The following GYS2 variants were observed in gnomAD, a reference collection of about 807,000 sequenced individuals.
The protein encoded by GYS2 is glycogen [starch] synthase, liver.
A neutral mutation model predicts 85.6 loss-of-function variants in GYS2; 80 were observed. That is an observed-to-expected ratio of 0.93 (90% CI 0.78 to 1.13). GYS2 has a LOEUF of 1.13. GYS2 is among the 50% of genes most tolerant of loss of function. The pLI is 0.00. For synonymous variants in GYS2, 328 were observed against 300.7 expected (o/e 1.09, Z -0.94); for missense variants, 881 against 854.9 (o/e 1.03, Z -0.38).
chr12:21,599,538 G>A (rs948850468), intron 1 of GYS2, among the ~76,000 whole-genome samples: 9 of 152,144 alleles, frequency 5.9e-5, no homozygotes, highest in Admixed American at 2.6e-4. Flanking sequence ...TGAATGAAAA[G>A]GAAGTGAGTA....
chr12:21,554,141 G>A (rs1366672209), intron 11 of GYS2, among the ~76,000 whole-genome samples: 6 of 151,472 alleles, frequency 4.0e-5, no homozygotes, highest in South Asian at 4.2e-4. Context: ...GGAAGGAAGC[G>A]AGGAAGGAAG....
intron 4 of GYS2, among the ~76,000 whole-genome samples, chr12:21,573,104 G>A (rs1283816524): frequency 1.3e-5 from 2 of 152,160 alleles, no homozygotes; most frequent in East Asian, 1.9e-4. Context: ...TTATAGGGAA[G>A]GGCTCATCAG....
intron 4 of GYS2, among the ~76,000 whole-genome samples, chr12:21,572,333 G>T (rs183652346): frequency 3.1e-4 from 47 of 152,148 alleles, no homozygotes; most frequent in African/African-American, 9.9e-4. Flanking sequence ...TCTCATATTT[G>T]CCCTATTTTC....
At chr12:21,571,209 C>T (rs1944381137) in intron 4 of GYS2, among the ~76,000 whole-genome samples, 1 of 152,174 alleles carries the variant, frequency 6.6e-6, no homozygotes, top group Non-Finnish European at 1.5e-5. Flanking sequence ...GCCTTTCCCT[C>T]CTCCCATGGG....
In GYS2 at chr12:21,581,158, A is replaced by G. The variant is rs371826476; in HGVS notation, c.122-635T>C. Among the ~76,000 whole-genome samples the G allele has an allele frequency of 7.2e-5, 11 of 152,290 alleles. No homozygotes were observed. The East Asian group carries it at 1.9e-3, about 27-fold the overall frequency. On this transcript the variant is annotated intron_variant, in intron 1 of 15. Coordinates refer to ENST00000261195, the MANE Select transcript of GYS2 (RefSeq NM_021957.4). The stretch of plus-strand genomic sequence containing the variant: ...TAACACAAATACGTATTTCATTCTC[A>G]CATGGTATTTCTCTCTTCCTAGTAA...
chr12:21,600,375 A>C (rs1014272555), intron 1 of GYS2, among the ~76,000 whole-genome samples: 2 of 152,012 alleles, frequency 1.3e-5, no homozygotes, highest in South Asian at 4.1e-4. Context: ...CAATTCTCCC[A>C]CCTCAGCCTT....
At chr12:21,534,807 T>A (rs1272240047), downstream of GYS2, among the ~76,000 whole-genome samples, 1 of 152,062 alleles carries the variant, frequency 6.6e-6, no homozygotes, top group Non-Finnish European at 1.5e-5. Flanking sequence ...ACCACACACG[T>A]TTTCTATAGT....
chr12:21,540,411 C>G lies in GYS2; in HGVS notation c.1808G>C (p.Arg603Thr). 11 of 1,613,868 alleles carry G rather than the reference C, an allele frequency of 6.8e-6. No homozygotes were observed. The highest frequency in any genetic ancestry group is 9.3e-6 in the Non-Finnish European group (11 of 1,179,768). The change falls in exon 14 of 16, where the codon AGA (arginine) becomes ACA (threonine). Residue 603 changes from arginine to threonine, a missense_variant and splice_region_variant. Physicochemically the swap from Arg to Thr is moderately conservative, Grantham distance 71. Coordinates refer to ENST00000261195, the MANE Select transcript of GYS2 (RefSeq NM_021957.4). ...CTGTGTTTATCTAAACTTGCTTACT[C>G]TGCCTAAGTATCTCCAATCCAGAAG... Reference protein sequence around the residue: ...SDLLDWRYLGRYYQHARHLTL... With the variant: ...SDLLDWRYLGTYYQHARHLTL...
At chr12:21,540,889 C>G (rs539177012) in intron 13 of GYS2, among the ~76,000 whole-genome samples, 1 of 152,080 alleles carries the variant, frequency 6.6e-6, no homozygotes, top group Non-Finnish European at 1.5e-5. Flanking sequence ...GATATCTGTG[C>G]CTTTTATGTT....
intron 1 of GYS2, among the ~76,000 whole-genome samples, chr12:21,584,642 C>T (rs552958048): frequency 5.3e-5 from 8 of 152,314 alleles, no homozygotes; most frequent in East Asian, 1.9e-4. Context: ...CACCATTCCT[C>T]GGGGTGATCA....
intron 5 of GYS2, among the ~76,000 whole-genome samples, chr12:21,567,873 G>T (rs1013447597): frequency 3.3e-5 from 5 of 152,016 alleles, no homozygotes; most frequent in Non-Finnish European, 7.4e-5. Flanking sequence ...AGGAGTTCAA[G>T]ACCAGCCTGG....
intron 1 of GYS2, among the ~76,000 whole-genome samples, chr12:21,593,435 A>G (rs938634389): frequency 6.6e-6 from 1 of 151,822 alleles, no homozygotes; most frequent in Non-Finnish European, 1.5e-5. Context: ...AAGAAAATAT[A>G]TTACAACCGA....
chr12:21,559,591 T>A, intron 9 of GYS2, 60 bp downstream of exon 9: 1 of 922,406 alleles, frequency 1.1e-6, no homozygotes, highest in Non-Finnish European at 1.8e-6. Flanking sequence ...ATGTCTAAAT[T>A]GTTAAATTTG....
At chr12:21,588,839 T>A (rs1944602461) in intron 1 of GYS2, among the ~76,000 whole-genome samples, 1 of 152,254 alleles carries the variant, frequency 6.6e-6, no homozygotes, top group African/African-American at 2.4e-5. Flanking sequence ...TCAAAATTAT[T>A]TGTTGAGGAA....
chr12:21,564,819 T>A (rs1371533875), intron 5 of GYS2, among the ~76,000 whole-genome samples: 2 of 152,228 alleles, frequency 1.3e-5, no homozygotes, highest in Non-Finnish European at 2.9e-5. Context: ...TAAATTGTTT[T>A]CACTGTCCCC....
chr12:21,557,906 G>GA (rs1214456105), intron 11 of GYS2, among the ~76,000 whole-genome samples: 6 of 151,140 alleles, frequency 4.0e-5, no homozygotes, highest in Admixed American at 6.6e-5. Context: ...CTCAAAAAAA[G>GA]AAAAAAAAGA....
In GYS2 at chr12:21,583,975, C is replaced by T. The variant is rs141954813; in HGVS notation, c.122-3452G>A. Among the ~76,000 whole-genome samples, 3 of 152,336 alleles carry T rather than the reference C, an allele frequency of 2.0e-5. No individual in the cohort carries two copies. In the East Asian group the frequency reaches 5.8e-4, roughly 29 times the overall value. ...CTCCCTGAGACTGCACCGATGGTCT[C>T]ATGGGGAGTTCCCTATGATCAGCTG... On this transcript the variant is annotated intron_variant, in intron 1 of 15. Coordinates refer to ENST00000261195, the MANE Select transcript of GYS2 (RefSeq NM_021957.4).
At position 21,542,495 on chromosome 12, in the gene GYS2, C is replaced by T; in HGVS notation, c.1645+1G>A. The T allele has an allele frequency of 6.2e-7, 1 of 1,601,496 alleles. No homozygotes were observed. The highest frequency in any genetic ancestry group is 8.6e-7 in the Non-Finnish European group (1 of 1,168,440). On this transcript the variant is annotated splice_donor_variant, in intron 13 of 15. Coordinates refer to ENST00000261195, the MANE Select transcript of GYS2 (RefSeq NM_021957.4). LOFTEE classifies it high-confidence loss of function. ...CATGGGTTAATGATGAAAACCCTCA[C>T]CGTAAGCAGTAGGATCAGCCACGTG...
In GYS2 at chr12:21,580,389, C is replaced by A. The variant is rs1401658816; in HGVS notation, c.256G>T (p.Asp86Tyr). The change falls in exon 2 of 16, where the codon GAT becomes TAT. Residue 86 changes from aspartate to tyrosine, a missense_variant. Coordinates refer to ENST00000261195, the MANE Select transcript of GYS2 (RefSeq NM_021957.4). ...GCGTCCACTGCTCTTCTGACAGCATCATTTACAGGTTCACACTGTTCCACC... is the reference window on the plus strand; with the variant it reads ...GCGTCCACTGCTCTTCTGACAGCATAATTTACAGGTTCACACTGTTCCACC... The part of the protein sequence containing the change: ...TQVEQCEPVN[D>Y]AVRRAVDAMN... 2 of 1,613,946 alleles carry A rather than the reference C, an allele frequency of 1.2e-6. No individual in the cohort carries two copies. Among genetic ancestry groups the A allele is most frequent in the Non-Finnish European group, 8.5e-7 (1 of 1,179,890 alleles).
Sources: allele counts gnomAD v4.1 joint callset (sites outside exome capture counted in the v4.1 genomes callset), GRCh38; gene constraint gnomAD v4.1.1; transcripts MANE v1.5; gene names NCBI Gene and HGNC (gene_info 2026-07-23, HGNC 2026-07-21).